The following ALG6 variants were observed in gnomAD, a reference collection of about 807,000 sequenced individuals.
The protein encoded by ALG6 is dolichyl pyrophosphate Man9GlcNAc2 alpha-1,3-glucosyltransferase.
ALG6 carries 46 observed loss-of-function variants against 66.6 expected under a neutral mutation model. The observed-to-expected ratio is 0.69, with a 90% CI of 0.55 to 0.88. The LOEUF is 0.88. Among genes scored for constraint, ALG6 ranks in the 40% least tolerant of loss-of-function variants. ALG6 has a pLI of 0.00. For missense variants in ALG6, 505 were observed against 586.8 expected (o/e 0.86, Z 1.44); for synonymous variants, 185 against 203.7 (o/e 0.91, Z 0.78).
chr1:63,426,151 G>T lies in ALG6; in HGVS notation c.1059-2582G>T, dbSNP rs114212871. On this transcript the variant is annotated intron_variant, in intron 12 of 14. Coordinates refer to ENST00000263440, the MANE Select transcript of ALG6 (RefSeq NM_013339.4). Reference sequence around the variant, plus strand: ...GAAATCTTTGGGTAATGGAGGAAGCGGCCCTGTGGTTGGTCAGTATTTACA... The same window carrying T: ...GAAATCTTTGGGTAATGGAGGAAGCTGCCCTGTGGTTGGTCAGTATTTACA... 3.9e-3 allele frequency among the ~76,000 whole-genome samples: 588 copies of T among 152,246 alleles called. 3 individuals carry two copies. The highest frequency in any genetic ancestry group is 0.013 in the African/African-American group (538 of 41,554).
chr1:63,422,124 TAA>T (rs1254946064), intron 12 of ALG6, among the ~76,000 whole-genome samples: 4,297 of 72,186 alleles, frequency 0.06, 215 homozygotes, highest in Non-Finnish European at 0.087. Context: ...TATAAATATA[TAA>T]ATAAATATAT....
chr1:63,396,283 G>A (rs550611895), intron 2 of ALG6, among the ~76,000 whole-genome samples: 20 of 152,052 alleles, frequency 1.3e-4, no homozygotes, highest in Admixed American at 6.6e-4. Flanking sequence ...TATTGATCCT[G>A]TTTTTAATGT....
chr1:63,422,783 C>G (rs930202771), intron 12 of ALG6, among the ~76,000 whole-genome samples: 2 of 151,740 alleles, frequency 1.3e-5, no homozygotes, highest in African/African-American at 4.8e-5. Flanking sequence ...TGGAGAAACC[C>G]TGTCTCTACT....
chr1:63,407,080 A>G lies in ALG6; in HGVS notation c.448A>G (p.Ile150Val), dbSNP rs571644669. 1.6e-4 allele frequency: 264 copies of G among 1,609,306 alleles called. 1 individual carries two copies. In the South Asian group the frequency reaches 2.8e-3, roughly 17 times the overall value. ...TKKKIANALC[I>V]LLYPGLILID... The stretch of plus-strand genomic sequence containing the variant: ...TTTACAGATTGCTAATGCATTATGC[A>G]TCTTGCTGTATCCAGGCCTTATTCT... The change falls in exon 7 of 15, where the codon ATC (isoleucine) becomes GTC (valine). Residue 150 changes from isoleucine (I) to valine (V), a missense_variant. By Grantham distance (29) the Ile-to-Val change is conservative (BLOSUM62 3). Transcript: ENST00000263440.
intron 2 of ALG6, among the ~76,000 whole-genome samples, chr1:63,383,062 C>T (rs938368519): frequency 1.3e-5 from 2 of 152,044 alleles, no homozygotes; most frequent in African/African-American, 4.8e-5. Context: ...ATCCACCTGC[C>T]TTGGCCTCCC....
chr1:63,400,269 G>GTA (rs370667539), intron 3 of ALG6, among the ~76,000 whole-genome samples: 1,143 of 7,542 alleles, frequency 0.15, 421 homozygotes, highest in Non-Finnish European at 0.16. Flanking sequence ...ATATATATAC[G>GTA]TATATATATA....
Position 63,433,579 on chromosome 1 carries a change from A to G in ALG6, c.1327-3244A>G, listed in dbSNP as rs764884866. 2.6e-5 allele frequency among the ~76,000 whole-genome samples: 4 copies of G among 152,164 alleles called. No homozygotes were observed. Among genetic ancestry groups the G allele is most frequent in the Non-Finnish European group, 5.9e-5 (4 of 68,026 alleles). ...GATATAAAGTTCATTTTTTGTTAGT[A>G]TAGGCCCAGATTCCTGAGTGTATGT... On this transcript the variant is annotated intron_variant, in intron 14 of 14. Transcript: ENST00000263440. This position sits in a 1 kb window ranked among gnomAD's most constrained non-coding sequence, Gnocchi z 4.2.
At chr1:63,372,275 T>C (rs1024557448) in intron 2 of ALG6, among the ~76,000 whole-genome samples, 10 of 151,936 alleles carry the variant, frequency 6.6e-5, no homozygotes, top group African/African-American at 2.4e-4. Context: ...CTTATGTTAG[T>C]GAAAAAGGGT....
chr1:63,385,234 C>G (rs1648465836), intron 2 of ALG6, among the ~76,000 whole-genome samples: 2 of 111,798 alleles, frequency 1.8e-5, no homozygotes, highest in Non-Finnish European at 1.7e-5. Flanking sequence ...GAGTCTCGCT[C>G]TGTCACCCAG....
At chr1:63,412,557 G>A (rs1478928892) in intron 9 of ALG6, among the ~76,000 whole-genome samples, 1 of 152,058 alleles carries the variant, frequency 6.6e-6, no homozygotes, top group East Asian at 1.9e-4. Flanking sequence ...ATTTTTTGGT[G>A]TATATTCTGT....
intron 8 of ALG6, 40 bp from the exon 9 acceptor site, chr1:63,411,886 C>T (rs917714377): frequency 1.9e-6 from 3 of 1,613,684 alleles, no homozygotes; most frequent in East Asian, 2.2e-5. Context: ...GAATTACTGA[C>T]CTTTCCCTAT....
chr1:63,387,984 G>A (rs1648555940), intron 2 of ALG6, among the ~76,000 whole-genome samples: 1 of 152,088 alleles, frequency 6.6e-6, no homozygotes, highest in Non-Finnish European at 1.5e-5. Context: ...CTTTATAAAT[G>A]AAGTATGTTT....
chr1:63,384,812 C>G (rs981338666), intron 2 of ALG6, among the ~76,000 whole-genome samples: 3 of 152,064 alleles, frequency 2.0e-5, no homozygotes, highest in Non-Finnish European at 2.9e-5. Flanking sequence ...TTTCTGGGTT[C>G]TCTATTCTGT....
At chr1:63,429,196 G>T in intron 14 of ALG6, 70 bp downstream of exon 14, 1 of 1,145,082 alleles carries the variant, frequency 8.7e-7, no homozygotes, top group Non-Finnish European at 1.3e-6. Flanking sequence ...TTGAAGTAGT[G>T]ATTTTCTTTT....
At chr1:63,399,343 C>A (rs1216232788) in intron 3 of ALG6, among the ~76,000 whole-genome samples, 1 of 152,114 alleles carries the variant, frequency 6.6e-6, no homozygotes, top group Admixed American at 6.5e-5. Flanking sequence ...TCACATTTAC[C>A]ATATTGTATT....
chr1:63,404,212 T>G (rs1644479523), intron 4 of ALG6, among the ~76,000 whole-genome samples: 1 of 152,336 alleles, frequency 6.6e-6, no homozygotes, highest in African/African-American at 2.4e-5. Flanking sequence ...ACTGTGAAGA[T>G]AGGGCTTGTA....
chr1:63,379,576 A>G (rs910970971), intron 2 of ALG6, among the ~76,000 whole-genome samples: 4 of 152,188 alleles, frequency 2.6e-5, no homozygotes, highest in African/African-American at 9.6e-5. Flanking sequence ...GCTATTGACC[A>G]CCAGAGATCA....
intron 3 of ALG6, 26 bp from the exon 4 acceptor site, chr1:63,402,228 T>G (rs1160272434): frequency 7.4e-7 from 1 of 1,345,576 alleles, no homozygotes; most frequent in East Asian, 2.3e-5. Flanking sequence ...AACGGAATGG[T>G]GCTTTCTTCT....
chr1:63,369,166 TAGGA>T (rs1647827317), intron 1 of ALG6, among the ~76,000 whole-genome samples: 1 of 152,108 alleles, frequency 6.6e-6, no homozygotes, highest in African/African-American at 2.4e-5. Context: ...TGAAAAGAAT[TAGGA>T]AGCAAATTGA....
Sources: gnomAD v4.1 joint callset for allele counts (sites outside exome capture counted in the v4.1 genomes callset) on GRCh38, gnomAD v4.1.1 for gene constraint, Gnocchi (gnomAD v3.1) non-coding constraint, MANE v1.5 for transcripts, NCBI Gene and HGNC (gene_info 2026-07-23, HGNC 2026-07-21) for gene names.